The following ZNF385B variants were observed in gnomAD, a reference collection of about 807,000 sequenced individuals.
ZNF385B encodes zinc finger protein 533.
Under a neutral mutation model 39.2 loss-of-function variants are expected in ZNF385B, and 23 were observed. The observed-to-expected ratio is 0.59, with a 90% CI of 0.42 to 0.83. The LOEUF is 0.83. ZNF385B is among the 40% of genes least tolerant of loss of function. The pLI, the probability that ZNF385B is intolerant of heterozygous loss-of-function variation, is 0.00. For missense variants in ZNF385B, 552 were observed against 598.9 expected (o/e 0.92, Z 0.82); for synonymous variants, 205 against 222.6 (o/e 0.92, Z 0.70).
At chr2:179,472,362 A>C (rs2052864241) in intron 6 of ZNF385B, among the ~76,000 whole-genome samples, 1 of 152,208 alleles carries the variant, frequency 6.6e-6, no homozygotes, top group Non-Finnish European at 1.5e-5. Flanking sequence ...AATTGAGTAG[A>C]ATTATTTTAC....
intron 3 of ZNF385B, among the ~76,000 whole-genome samples, chr2:179,619,066 C>T (rs1689997110): frequency 1.3e-5 from 2 of 152,080 alleles, no homozygotes. Flanking sequence ...AATGACTCAG[C>T]CCCAGGACAA....
In ZNF385B at chr2:179,500,477, C is replaced by T. The variant is rs145249336; in HGVS notation, c.553-17043G>A. The stretch of plus-strand genomic sequence containing the variant: ...AGTGAACTCATTTTTAACAAAGGTG[C>T]CAATAACATACACCAGGGAAAAGGG... On this transcript the variant is annotated intron_variant, in intron 5 of 9. Coordinates refer to ENST00000410066, the MANE Select transcript of ZNF385B (RefSeq NM_152520.6). Among the ~76,000 whole-genome samples the T allele has an allele frequency of 5.8e-4, 88 of 152,136 alleles. No homozygotes were observed. The East Asian group carries it at 9.2e-3, about 16-fold the overall frequency.
intron 3 of ZNF385B, among the ~76,000 whole-genome samples, chr2:179,678,275 C>T (rs187085587): frequency 3.9e-5 from 6 of 152,342 alleles, no homozygotes; most frequent in South Asian, 2.1e-4. Context: ...TTCTCTTACT[C>T]TCTCAGTATA....
intron 3 of ZNF385B, among the ~76,000 whole-genome samples, chr2:179,734,799 T>C (rs1228636717): frequency 1.3e-5 from 2 of 152,180 alleles, no homozygotes; most frequent in African/African-American, 2.4e-5. Context: ...AAAGTGGCTA[T>C]GGACTAAAAA....
chr2:179,449,134 T>G (rs992242729), intron 6 of ZNF385B, among the ~76,000 whole-genome samples: 15 of 152,112 alleles, frequency 9.9e-5, no homozygotes, highest in African/African-American at 3.6e-4. Context: ...AAGTATGGAC[T>G]ATAAGAAAAT....
At chr2:179,711,819 A>AT (rs367595857) in intron 3 of ZNF385B, among the ~76,000 whole-genome samples, 30 of 149,484 alleles carry the variant, frequency 2.0e-4, no homozygotes, top group African/African-American at 4.2e-4. Flanking sequence ...TATAAACTGC[A>AT]TTTTTTTTAA....
chr2:179,582,744 C>T (rs1686672187), intron 3 of ZNF385B, among the ~76,000 whole-genome samples: 1 of 152,116 alleles, frequency 6.6e-6, no homozygotes, highest in African/African-American at 2.4e-5. Context: ...AGAAAAATTA[C>T]AAAGATAGTA....
chr2:179,489,857 T>C (rs2055013654), intron 5 of ZNF385B, among the ~76,000 whole-genome samples: 1 of 152,228 alleles, frequency 6.6e-6, no homozygotes, highest in Non-Finnish European at 1.5e-5. Flanking sequence ...ATTGGGATTG[T>C]TGAAAACAAA....
At chr2:179,648,861 G>C (rs536138417) in intron 3 of ZNF385B, among the ~76,000 whole-genome samples, 2 of 152,118 alleles carry the variant, frequency 1.3e-5, no homozygotes, top group Non-Finnish European at 1.5e-5. Context: ...CATCCATATG[G>C]ATAGAAATAA....
chr2:179,504,908 C>T (rs1409176807), intron 5 of ZNF385B, among the ~76,000 whole-genome samples: 1 of 152,024 alleles, frequency 6.6e-6, no homozygotes. Context: ...AGAAATCCTC[C>T]CCCATGATGC....
In ZNF385B at chr2:179,620,377, T is replaced by G. The variant is rs191086745; in HGVS notation, c.299-75408A>C. On this transcript the variant is annotated intron_variant, in intron 3 of 9. Coordinates refer to ENST00000410066, the MANE Select transcript of ZNF385B (RefSeq NM_152520.6). The stretch of plus-strand genomic sequence containing the variant: ...CCTTATTGTGATATCCTGAAAAAGA[T>G]GAACTTTTCTGGTTTTAGTATTTGA... Among the ~76,000 whole-genome samples the G allele has an allele frequency of 2.3e-4, 35 of 152,314 alleles. No individual in the cohort carries two copies. The East Asian group carries it at 5.0e-3, about 22-fold the overall frequency.
rs544898617 is a variant in ZNF385B, at chr2:179,464,287, A to G, written c.716-17517T>C. 3.3e-5 allele frequency among the ~76,000 whole-genome samples: 5 copies of G among 152,238 alleles called. No individual in the cohort carries two copies. The East Asian group carries it at 9.6e-4, about 29-fold the overall frequency. On this transcript the variant is annotated intron_variant, in intron 6 of 9. Coordinates refer to ENST00000410066, the MANE Select transcript of ZNF385B (RefSeq NM_152520.6). The stretch of plus-strand genomic sequence containing the variant: ...GGCTAGATTGCAAAAATTTTCTCCC[A>G]TTCTGTAGGTTGCCTGTTCACTCTG...
At chr2:179,781,305 A>G (rs1282151065) in intron 1 of ZNF385B, among the ~76,000 whole-genome samples, 1 of 152,162 alleles carries the variant, frequency 6.6e-6, no homozygotes. Context: ...TAACCTGACC[A>G]ATGGAACAGA....
chr2:179,766,852 A>T (rs1703727043), intron 3 of ZNF385B, among the ~76,000 whole-genome samples: 1 of 152,148 alleles, frequency 6.6e-6, no homozygotes, highest in Admixed American at 6.5e-5. Context: ...AAAAAGGAAG[A>T]CTGGCATTTT....
intron 6 of ZNF385B, among the ~76,000 whole-genome samples, chr2:179,448,003 C>T (rs1462083321): frequency 6.7e-6 from 1 of 149,642 alleles, no homozygotes; most frequent in African/African-American, 2.5e-5. Flanking sequence ...GAGTTGGATC[C>T]ATTCAGGTTG....
chr2:179,561,151 C>T (rs1473158379), intron 3 of ZNF385B, among the ~76,000 whole-genome samples: 1 of 152,198 alleles, frequency 6.6e-6, no homozygotes, highest in Non-Finnish European at 1.5e-5. Context: ...ATTTTACACA[C>T]ACCACAATAA....
At chr2:179,562,972 T>C (rs1439382760) in intron 3 of ZNF385B, among the ~76,000 whole-genome samples, 2 of 151,460 alleles carry the variant, frequency 1.3e-5, no homozygotes, top group African/African-American at 4.9e-5. Context: ...TAGACTAGAA[T>C]AATTTATTTG....
At chr2:179,459,588 AGT>A (rs3053314) in intron 6 of ZNF385B, among the ~76,000 whole-genome samples, 5,364 of 145,832 alleles carry the variant, frequency 0.037, 130 homozygotes, top group South Asian at 0.064. Context: ...AGAGAAAATA[AGT>A]GTGTGTGTGT....
chr2:179,462,855 A>G (rs923323116), intron 6 of ZNF385B, among the ~76,000 whole-genome samples: 1 of 152,140 alleles, frequency 6.6e-6, no homozygotes, highest in African/African-American at 2.4e-5. Context: ...TATGTGCATA[A>G]AGATCTTGGA....
Sources: gnomAD v4.1 joint callset for allele counts (sites outside exome capture counted in the v4.1 genomes callset) on GRCh38, gnomAD v4.1.1 for gene constraint, MANE v1.5 for transcripts, NCBI Gene and HGNC (gene_info 2026-07-23, HGNC 2026-07-21) for gene names.